The following SULF1 variants were observed in gnomAD, a reference collection of about 807,000 sequenced individuals.
SULF1 encodes sulfatase 1, also known as extracellular sulfatase Sulf-1.
A neutral mutation model predicts 110.5 loss-of-function variants in SULF1; 46 were observed. The ratio of observed to expected loss-of-function variants is 0.42; its 90% CI spans 0.33 to 0.53. The LOEUF is 0.53. Among genes scored for constraint, SULF1 ranks in the 20% least tolerant of loss-of-function variants. The probability of loss-of-function intolerance (pLI) is 0.12; values close to 1 mark genes in which losing one functional copy is unlikely to be tolerated. For missense variants in SULF1, 941 were observed against 1,094.2 expected (o/e 0.86, Z 1.98); for synonymous variants, 371 against 387.1 (o/e 0.96, Z 0.49).
intron 6 of SULF1, among the ~76,000 whole-genome samples, chr8:69,582,143 G>A (rs1450750223): frequency 1.3e-5 from 2 of 152,078 alleles, no homozygotes; most frequent in African/African-American, 4.8e-5. Context: ...ATGACTTGGG[G>A]AGAGGAAACA....
At chr8:69,609,206 CGTG>C (rs765588013) in intron 13 of SULF1, among the ~76,000 whole-genome samples, 3 of 152,042 alleles carry the variant, frequency 2.0e-5, no homozygotes, top group Non-Finnish European at 2.9e-5. Context: ...AATAGCCAGG[CGTG>C]GTGGTGTGTG....
rs117639561 is a variant in SULF1 at position 69,638,747 on chromosome 8, G to C, written c.2440G>C (p.Val814Leu). ...TCTGCATTCACAGCTCACAAATACA[G>C]TGCACACGGTAGAACGAGGCATTTT... ...NTDPYQLTNT[V>L]HTVERGILNQ... Residue 814 changes from valine to leucine, a missense_variant, in exon 21 of 23, where the codon GTG becomes CTG. Coordinates refer to ENST00000402687, the MANE Select transcript of SULF1 (RefSeq NM_001128205.2). 6.2e-7 allele frequency: 1 copy of C among 1,614,108 alleles called. No homozygotes were observed. The highest frequency in any genetic ancestry group is 2.2e-5 in the East Asian group (1 of 44,874).
chr8:69,526,007 CA>C (rs1227063824), intron 3 of SULF1, among the ~76,000 whole-genome samples: 1 of 152,236 alleles, frequency 6.6e-6, no homozygotes, highest in African/African-American at 2.4e-5. Context: ...AGGTTTTACA[CA>C]AATTTGAGAA....
chr8:69,544,735 C>G (rs182646914), intron 3 of SULF1, among the ~76,000 whole-genome samples: 166 of 152,298 alleles, frequency 1.1e-3, no homozygotes, highest in African/African-American at 3.8e-3. Context: ...GACAGATAAT[C>G]AAGTTTTTCT....
intron 8 of SULF1, 106 bp from the exon 9 acceptor site, chr8:69,600,497 A>G: frequency 9.2e-7 from 1 of 1,088,750 alleles, no homozygotes; most frequent in South Asian, 1.9e-5. Flanking sequence ...ATGTTTTAGC[A>G]GTGTCTCAAT....
rs1478503342 is a variant in SULF1, at chr8:69,660,374, T to A, written c.*1839T>A. 1 of 152,388 alleles carries A rather than the reference T, an allele frequency of 6.6e-6. No homozygotes were observed. The highest frequency in any genetic ancestry group is 2.4e-5 in the African/African-American group (1 of 41,468). The allele number at this position is 152,388 out of a possible 1,614,324, so 9.4% of individuals were successfully genotyped here. On this transcript the variant is annotated 3_prime_UTR_variant, in exon 23 of 23. Transcript: ENST00000402687. The stretch of plus-strand genomic sequence containing the variant: ...GTAAGACCTTCACCAAGTTCTGATA[T>A]CTTTTAAAGACATAGTTCAAAATTG...
intron 13 of SULF1, among the ~76,000 whole-genome samples, chr8:69,613,031 G>A (rs1328993091): frequency 6.6e-6 from 1 of 151,980 alleles, no homozygotes; most frequent in African/African-American, 2.4e-5. Context: ...TGATTTTTGT[G>A]TAACGTGAGA....
Position 69,586,438 on chromosome 8 carries a change from A to G in SULF1, c.494A>G (p.Asn165Ser). 2 of 1,612,448 alleles carry G rather than the reference A, an allele frequency of 1.2e-6. No individual in the cohort carries two copies. Among genetic ancestry groups the G allele is most frequent in the Non-Finnish European group, 1.7e-6 (2 of 1,179,592 alleles). ...GWREWLGLIK[N>S]SRFYNYTVCR... ...CGAGAATGGCTTGGATTAATCAAGA[A>G]TTCTCGCTTCTATAATTACACTGTT... Residue 165 changes from asparagine (N) to serine (S), a missense_variant, in exon 7 of 23, where the codon AAT (asparagine) becomes AGT (serine). By Grantham distance (46) the Asn-to-Ser change is conservative. Around this residue, in one of 3 missense-constraint regions of SULF1, gnomAD observed 822 missense variants for 934.3 expected, o/e 0.88. Coordinates refer to ENST00000402687, the MANE Select transcript of SULF1 (RefSeq NM_001128205.2).
rs1807824524 is a variant in SULF1, at chr8:69,601,729, A to G, written c.961A>G (p.Ile321Val). Residue 321 changes from isoleucine to valine, a missense_variant, in exon 10 of 23, where the codon ATT (isoleucine) becomes GTT (valine). Ile to Val is a conservative substitution (Grantham distance 29). Around this residue, in one of 3 missense-constraint regions of SULF1, gnomAD observed 822 missense variants for 934.3 expected, o/e 0.88. Transcript: ENST00000402687. ...TTACACCGCCGACCATGGTTACCAT[A>G]TTGGGCAGTTTGGACTGGTCAAGGG... ...IIYTADHGYH[I>V]GQFGLVKGKS... The G allele has an allele frequency of 6.2e-7, 1 of 1,613,846 alleles. No individual in the cohort carries two copies. The highest frequency in any genetic ancestry group is 8.5e-7 in the Non-Finnish European group (1 of 1,179,900).
At chr8:69,582,163 C>G (rs1416383790) in intron 6 of SULF1, among the ~76,000 whole-genome samples, 1 of 151,824 alleles carries the variant, frequency 6.6e-6, no homozygotes, top group Non-Finnish European at 1.5e-5. Context: ...AAAAAAACCC[C>G]AACAATGAAG....
chr8:69,564,631 T>A (rs1348829135), intron 5 of SULF1, among the ~76,000 whole-genome samples: 3 of 152,246 alleles, frequency 2.0e-5, no homozygotes, highest in Non-Finnish European at 2.9e-5. Flanking sequence ...GTGTTCTATA[T>A]GTCTTTTGGT....
chr8:69,561,368 G>GA (rs1187665123), intron 3 of SULF1, among the ~76,000 whole-genome samples: 1 of 152,084 alleles, frequency 6.6e-6, no homozygotes, highest in South Asian at 2.1e-4. Flanking sequence ...CATTTCATAG[G>GA]AAAAAACCAC....
intron 8 of SULF1, among the ~76,000 whole-genome samples, chr8:69,598,865 T>C (rs1302689081): frequency 6.6e-6 from 1 of 152,204 alleles, no homozygotes; most frequent in Admixed American, 6.5e-5. Context: ...CTCAATGTGA[T>C]ATTATTTGTG....
intron 6 of SULF1, among the ~76,000 whole-genome samples, chr8:69,581,563 C>T (rs1223276393): frequency 1.3e-5 from 2 of 152,120 alleles, no homozygotes; most frequent in Non-Finnish European, 2.9e-5. Context: ...GTAAATGGCA[C>T]ATTAGTGATG....
chr8:69,629,802 C>A, intron 19 of SULF1, 123 bp downstream of exon 19: 1 of 852,752 alleles, frequency 1.2e-6, no homozygotes, highest in South Asian at 2.0e-5. Flanking sequence ...GCATCATATT[C>A]TACTCTATAC....
chr8:69,627,926 A>G (rs1185656369), intron 17 of SULF1, 60 bp downstream of exon 17: 1 of 1,271,746 alleles, frequency 7.9e-7, no homozygotes, highest in Non-Finnish European at 1.1e-6. Flanking sequence ...AGCCAGAGGC[A>G]TTAGCACTGG....
Position 69,586,433 on chromosome 8 carries a change from C to G in SULF1, c.489C>G (p.Ile163Met), listed in dbSNP as rs199957740. ...PPGWREWLGL[I>M]KNSRFYNYTV... Reference sequence around the variant, plus strand: ...GGTGGCGAGAATGGCTTGGATTAATCAAGAATTCTCGCTTCTATAATTACA... The same window carrying G: ...GGTGGCGAGAATGGCTTGGATTAATGAAGAATTCTCGCTTCTATAATTACA... Residue 163 changes from isoleucine to methionine, a missense_variant, in exon 7 of 23, where the codon ATC becomes ATG. By Grantham distance (10) the Ile-to-Met change is conservative. Transcript: ENST00000402687. 9.9e-6 allele frequency: 16 copies of G among 1,611,708 alleles called. No homozygotes were observed. The Admixed American group carries it at 1.0e-4, about 10-fold the overall frequency.
intron 19 of SULF1, among the ~76,000 whole-genome samples, chr8:69,636,826 GA>G (rs1311857701): frequency 6.6e-6 from 1 of 152,154 alleles, no homozygotes; most frequent in East Asian, 1.9e-4. Flanking sequence ...TGCAGTTTTT[GA>G]TGCATCTCAT....
chr8:69,634,298 T>C (rs1810807046), intron 19 of SULF1, among the ~76,000 whole-genome samples: 1 of 152,230 alleles, frequency 6.6e-6, no homozygotes, highest in South Asian at 2.1e-4. Flanking sequence ...GGCTTTTTAA[T>C]GTTTTGATAT....
Sources: allele counts gnomAD v4.1 joint callset (sites outside exome capture counted in the v4.1 genomes callset), GRCh38; gene constraint gnomAD v4.1.1; regional missense constraint gnomAD v4.1.1; transcripts MANE v1.5; gene names NCBI Gene and HGNC (gene_info 2026-07-23, HGNC 2026-07-21).